HOMER2: variants seen among roughly 807,000 people sequenced by gnomAD.
The protein encoded by HOMER2 is homer protein homolog 2.
In HOMER2, 27 loss-of-function variants were observed where a neutral mutation model predicts 47.0. The ratio of observed to expected loss-of-function variants is 0.57; its 90% CI spans 0.42 to 0.79. The LOEUF is 0.79. Ranked by LOEUF, HOMER2 falls within the 30% of genes least tolerant of loss-of-function variation. HOMER2 has a pLI of 0.00. For missense variants in HOMER2, 443 were observed against 435.0 expected (o/e 1.02, Z -0.16); for synonymous variants, 161 against 163.8 (o/e 0.98, Z 0.13).
intron 1 of HOMER2, among the ~76,000 whole-genome samples, chr15:82,967,595 G>T (rs2054686277): frequency 6.6e-6 from 1 of 151,986 alleles, no homozygotes; most frequent in Non-Finnish European, 1.5e-5. Flanking sequence ...CACAAAGCAG[G>T]CCAGGCACGG....
At chr15:82,948,981 G>A (rs1377317821) in intron 1 of HOMER2, among the ~76,000 whole-genome samples, 1 of 152,222 alleles carries the variant, frequency 6.6e-6, no homozygotes, top group East Asian at 1.9e-4. Context: ...TGGGAACTAT[G>A]GCTATGGGGT....
chr15:82,888,589 G>A (rs1294729091), intron 2 of HOMER2, among the ~76,000 whole-genome samples: 1 of 36,528 alleles, frequency 2.7e-5, no homozygotes, highest in African/African-American at 1.9e-4. Flanking sequence ...GTGGGATATA[G>A]TCTCGTGGTG....
intron 2 of HOMER2, among the ~76,000 whole-genome samples, chr15:82,881,018 G>A (rs889693544): frequency 3.3e-5 from 5 of 152,212 alleles, no homozygotes; most frequent in African/African-American, 1.2e-4. Flanking sequence ...CTGGAGAGAG[G>A]GGAGAACGGA....
At chr15:82,881,821 T>A (rs1228535418) in intron 2 of HOMER2, among the ~76,000 whole-genome samples, 1 of 152,128 alleles carries the variant, frequency 6.6e-6, no homozygotes, top group Admixed American at 6.5e-5. Flanking sequence ...ACCTCTAAGG[T>A]CTCTTCCAAT....
chr15:82,836,613 C>T (rs2051129998), downstream of HOMER2, among the ~76,000 whole-genome samples: 1 of 152,222 alleles, frequency 6.6e-6, no homozygotes, highest in Non-Finnish European at 1.5e-5. Flanking sequence ...TGTACTTTGT[C>T]TTGGGAGTCT....
chr15:82,858,796 T>TCACACACACACACTCTCTATTTCC (rs2051673806), intron 5 of HOMER2, among the ~76,000 whole-genome samples: 1 of 151,770 alleles, frequency 6.6e-6, no homozygotes, highest in Non-Finnish European at 1.5e-5. Context: ...TATCTCTCTC[T>TCACACACACACACTCTCTATTTCC]CACACACACA....
intron 1 of HOMER2, among the ~76,000 whole-genome samples, chr15:82,896,782 T>A (rs1235384942): frequency 6.6e-6 from 1 of 152,176 alleles, no homozygotes; most frequent in Admixed American, 6.5e-5. Context: ...TTCACATGAA[T>A]AACCAAGTCT....
intron 5 of HOMER2, among the ~76,000 whole-genome samples, chr15:82,858,822 A>C (rs1008746461): frequency 6.6e-5 from 10 of 151,986 alleles, no homozygotes; most frequent in Non-Finnish European, 8.8e-5. Flanking sequence ...TCTATTTCCC[A>C]CACACACACA....
upstream of HOMER2, among the ~76,000 whole-genome samples, chr15:82,956,141 G>A (rs1485858664): frequency 6.6e-6 from 1 of 151,498 alleles, no homozygotes; most frequent in African/African-American, 2.4e-5. Flanking sequence ...TTAGGAGGCT[G>A]AGGCAGGAGA....
chr15:82,864,392 T>C, intron 3 of HOMER2, 133 bp from the exon 4 acceptor site: 1 of 585,390 alleles, frequency 1.7e-6, no homozygotes. Context: ...TTTTATTTGC[T>C]ATTAAATGAA....
chr15:82,897,410 TTATG>T (rs2052970873), intron 1 of HOMER2, among the ~76,000 whole-genome samples: 1 of 152,182 alleles, frequency 6.6e-6, no homozygotes, highest in Admixed American at 6.5e-5. Flanking sequence ...CTCTCAGCCA[TTATG>T]TTATTCTCTC....
exon 2 of HOMER2, chr15:82,840,415 G>T (rs959756905): frequency 2.0e-5 from 3 of 152,056 alleles, no homozygotes; most frequent in African/African-American, 7.2e-5. Context: ...ACAACTCCAG[G>T]CCAACAAATC....
At chr15:82,931,980 A>G (rs1384707217) in intron 1 of HOMER2, among the ~76,000 whole-genome samples, 1 of 152,214 alleles carries the variant, frequency 6.6e-6, no homozygotes, top group Non-Finnish European at 1.5e-5. Flanking sequence ...TTAGTGCCAA[A>G]GAAAGACAGG....
At chr15:82,858,138 T>G (rs2051647484) in intron 5 of HOMER2, among the ~76,000 whole-genome samples, 1 of 152,246 alleles carries the variant, frequency 6.6e-6, no homozygotes, top group Admixed American at 6.5e-5. Context: ...TATTTCTATG[T>G]AGTTTATGGT....
intron 3 of HOMER2, 34 bp from the exon 4 acceptor site, chr15:82,864,293 T>G: frequency 1.4e-6 from 2 of 1,461,876 alleles, no homozygotes; most frequent in Non-Finnish European, 1.9e-6. Context: ...AGGCTTTTAT[T>G]AACCTCACTC....
Position 82,851,147 on chromosome 15 carries a change from G to T in HOMER2, c.843+4C>A. ...CAGGATGGCTGTGCCCCCAACCCAC[G>T]TACCTCTAGCTTCTCAGAGACATAT... On this transcript the variant is annotated splice_donor_region_variant and intron_variant, in intron 8 of 8. Transcript: ENST00000450735. 6.4e-7 allele frequency: 1 copy of T among 1,574,190 alleles called. No individual in the cohort carries two copies. Among genetic ancestry groups the T allele is most frequent in the Non-Finnish European group, 8.6e-7 (1 of 1,156,414 alleles).
intron 1 of HOMER2, among the ~76,000 whole-genome samples, chr15:82,935,479 T>C (rs1254643507): frequency 6.6e-6 from 1 of 152,116 alleles, no homozygotes; most frequent in Non-Finnish European, 1.5e-5. Flanking sequence ...CCTCCCTCCC[T>C]GGGTGACCTC....
chr15:82,890,730 G>A (rs1266406152), intron 2 of HOMER2, among the ~76,000 whole-genome samples: 1 of 152,140 alleles, frequency 6.6e-6, no homozygotes, highest in East Asian at 1.9e-4. Flanking sequence ...ATTTAAGCCC[G>A]ATATATCCTT....
chr15:82,875,550 C>T (rs2052322497), intron 2 of HOMER2, 146 bp from the exon 3 acceptor site: 4 of 788,760 alleles, frequency 5.1e-6, no homozygotes, highest in Admixed American at 2.6e-5. Flanking sequence ...CCTGGAACAA[C>T]CCATGCTGAG....
Sources: gnomAD v4.1 joint callset for allele counts (sites outside exome capture counted in the v4.1 genomes callset) on GRCh38, gnomAD v4.1.1 for gene constraint, MANE v1.5 for transcripts, NCBI Gene and HGNC (gene_info 2026-07-23, HGNC 2026-07-21) for gene names.